SCAPER: variants seen among roughly 807,000 people sequenced by gnomAD.
SCAPER encodes the protein S-phase cyclin A associated protein in the ER.
In SCAPER, 98 loss-of-function variants were observed where a neutral mutation model predicts 182.2. That is an observed-to-expected ratio of 0.54 (90% CI 0.46 to 0.64). The LOEUF is 0.64. Ranked by LOEUF, SCAPER falls within the 30% of genes least tolerant of loss-of-function variation. The pLI is 0.00. For missense variants in SCAPER, 1,432 were observed against 1,690.0 expected, an observed-to-expected ratio of 0.85 and a Z score of 2.68; for synonymous variants, 605 against 564.6, an observed-to-expected ratio of 1.07 and a Z score of -1.01.
chr15:76,604,082 G>C (rs2050144313), intron 22 of SCAPER, among the ~76,000 whole-genome samples: 1 of 120,204 alleles, frequency 8.3e-6, no homozygotes, highest in Non-Finnish European at 2.0e-5. Context: ...TGGTGTTTTA[G>C]ACATGAAGTC....
chr15:76,647,350 C>A (rs1156229884), intron 21 of SCAPER, among the ~76,000 whole-genome samples: 1 of 152,188 alleles, frequency 6.6e-6, no homozygotes, highest in Non-Finnish European at 1.5e-5. Context: ...GTCCTTTCTA[C>A]TACAAGCAAC....
rs1168803776 is a variant in SCAPER, at chr15:76,593,514, GCCT to G, written c.2712-19233_2712-19231del. ...CCTCAAGTGGGTCCCTGATCCCCAT[GCCT>G]CCTGACTGGGAGACACCTCCCAGCA... On this transcript the variant is annotated intron_variant, in intron 22 of 31. Transcript: ENST00000563290. Among the ~76,000 whole-genome samples the G allele has an allele frequency of 7.4e-5, 9 of 121,396 alleles. 1 individual carries two copies. Among genetic ancestry groups the G allele is most frequent in the African/African-American group, 2.3e-4 (9 of 39,712 alleles). 79.6% of individuals were successfully genotyped at this position (121,396 alleles called of 152,430 possible). A position where few individuals can be genotyped will look rare whatever the true frequency, so the allele number is the denominator to read the frequency against.
intron 27 of SCAPER, among the ~76,000 whole-genome samples, chr15:76,402,563 T>C (rs928271230): frequency 6.6e-6 from 1 of 152,122 alleles, no homozygotes; most frequent in Non-Finnish European, 1.5e-5. Flanking sequence ...CAAATTCTCT[T>C]CTGCTATAAC....
At chr15:76,814,327 A>G (rs1294684276) in intron 5 of SCAPER, among the ~76,000 whole-genome samples, 2 of 152,198 alleles carry the variant, frequency 1.3e-5, no homozygotes, top group Non-Finnish European at 2.9e-5. Flanking sequence ...GAAAAATTAA[A>G]TTGGAGGCAT....
At chr15:76,715,182 C>A (rs1168875897) in intron 17 of SCAPER, among the ~76,000 whole-genome samples, 1 of 151,452 alleles carries the variant, frequency 6.6e-6, no homozygotes, top group Non-Finnish European at 1.5e-5. Context: ...ACCACATACA[C>A]CCCCGCCAAT....
chr15:76,863,184 T>A (rs953610419), intron 2 of SCAPER, among the ~76,000 whole-genome samples: 2 of 152,128 alleles, frequency 1.3e-5, no homozygotes. Context: ...CCAGGTCCAG[T>A]AAAATAAAGG....
At chr15:76,608,274 G>C (rs2050639459) in intron 22 of SCAPER, among the ~76,000 whole-genome samples, 1 of 152,218 alleles carries the variant, frequency 6.6e-6, no homozygotes, top group African/African-American at 2.4e-5. Context: ...GAGTTTGCTA[G>C]AGGTCCACTC....
intron 7 of SCAPER, among the ~76,000 whole-genome samples, chr15:76,799,201 A>C (rs1359859854): frequency 1.3e-5 from 2 of 152,204 alleles, no homozygotes; most frequent in African/African-American, 4.8e-5. Flanking sequence ...AATATTTGGC[A>C]TAAAATATGT....
chr15:76,558,013 G>T (rs532692921), intron 23 of SCAPER, among the ~76,000 whole-genome samples: 1 of 152,254 alleles, frequency 6.6e-6, no homozygotes, highest in South Asian at 2.1e-4. Flanking sequence ...ATGGATTAAA[G>T]ACTTAAATAT....
intron 23 of SCAPER, among the ~76,000 whole-genome samples, chr15:76,545,709 A>G (rs2045220634): frequency 1.3e-5 from 2 of 152,150 alleles, no homozygotes; most frequent in African/African-American, 2.4e-5. Flanking sequence ...GAAGGGAAGG[A>G]GATGCAAAGG....
chr15:76,689,138 G>A (rs550140003), intron 20 of SCAPER, among the ~76,000 whole-genome samples: 8 of 151,780 alleles, frequency 5.3e-5, no homozygotes, highest in Non-Finnish European at 1.2e-4. Flanking sequence ...ATGAGCCACC[G>A]CACCCAGCCC....
chr15:76,652,309 T>TATATAC (rs1567706570), intron 21 of SCAPER, among the ~76,000 whole-genome samples: 1 of 14,162 alleles, frequency 7.1e-5, no homozygotes, highest in Non-Finnish European at 1.1e-4. Flanking sequence ...TATATATATA[T>TATATAC]ACACACACAC....
At chr15:76,877,621 C>T (rs1251417983) in intron 2 of SCAPER, among the ~76,000 whole-genome samples, 1 of 152,166 alleles carries the variant, frequency 6.6e-6, no homozygotes, top group African/African-American at 2.4e-5. Context: ...CATCGTCATT[C>T]GTGTGATATT....
chr15:76,505,838 C>T (rs1426840289), intron 23 of SCAPER, among the ~76,000 whole-genome samples: 2 of 152,110 alleles, frequency 1.3e-5, no homozygotes, highest in Non-Finnish European at 2.9e-5. Context: ...GAACTGGAAG[C>T]AACCTAAGTG....
intron 24 of SCAPER, among the ~76,000 whole-genome samples, chr15:76,480,698 A>G (rs1017308073): frequency 2.0e-5 from 3 of 152,156 alleles, no homozygotes; most frequent in African/African-American, 7.2e-5. Context: ...ACTGTGGAAT[A>G]TCTTAATACA....
Position 76,511,736 on chromosome 15 carries a change from A to T in SCAPER, c.2839-6762T>A, listed in dbSNP as rs76259176. On this transcript the variant is annotated intron_variant, in intron 23 of 31. Coordinates refer to ENST00000563290, the MANE Select transcript of SCAPER (RefSeq NM_020843.4). ...TGTCAGAGACCATGTCTGCTTTATC[A>T]TCATATCCCAACGACTTAGCACAGG... Among the ~76,000 whole-genome samples the T allele has an allele frequency of 3.6e-3, 548 of 152,104 alleles. 2 individuals carry two copies. The highest frequency in any genetic ancestry group is 0.013 in the African/African-American group (526 of 41,482).
At chr15:76,706,920 G>A (rs1385440327) in intron 17 of SCAPER, among the ~76,000 whole-genome samples, 1 of 151,730 alleles carries the variant, frequency 6.6e-6, no homozygotes, top group Non-Finnish European at 1.5e-5. Context: ...TATTCGCCTA[G>A]TTCTCTTAAA....
intron 21 of SCAPER, among the ~76,000 whole-genome samples, chr15:76,638,528 T>G (rs1015749586): frequency 2.0e-5 from 3 of 152,178 alleles, no homozygotes; most frequent in Non-Finnish European, 4.4e-5. Context: ...TGAGGAGGTT[T>G]CCCTCAATAA....
intron 22 of SCAPER, among the ~76,000 whole-genome samples, chr15:76,592,201 T>C (rs1019540809): frequency 2.0e-4 from 30 of 151,886 alleles, no homozygotes; most frequent in Admixed American, 1.8e-3. Context: ...AGGTAATACT[T>C]AGGAATGAAA....
Sources: allele counts gnomAD v4.1 joint callset (sites outside exome capture counted in the v4.1 genomes callset), GRCh38; gene constraint gnomAD v4.1.1; transcripts MANE v1.5; gene names NCBI Gene and HGNC (gene_info 2026-07-23, HGNC 2026-07-21).